The following OSBPL10 variants were observed in gnomAD, a reference collection of about 807,000 sequenced individuals.
OSBPL10 encodes oxysterol-binding protein-related protein 10.
OSBPL10 carries 49 observed loss-of-function variants against 81.7 expected under a neutral mutation model. The ratio of observed to expected loss-of-function variants is 0.60; its 90% CI spans 0.48 to 0.76. The LOEUF is 0.76. Among genes scored for constraint, OSBPL10 ranks in the 30% least tolerant of loss-of-function variants. The pLI is 0.00. For missense variants in OSBPL10, 923 were observed against 987.8 expected, an observed-to-expected ratio of 0.93 and a Z score of 0.88; for synonymous variants, 419 against 383.6, an observed-to-expected ratio of 1.09 and a Z score of -1.08.
chr3:31,754,111 C>T (rs75821471), intron 4 of OSBPL10, among the ~76,000 whole-genome samples: 113 of 152,110 alleles, frequency 7.4e-4, no homozygotes, highest in African/African-American at 2.6e-3. Flanking sequence ...TAATTCCCAG[C>T]CTATGTCTCT....
chr3:32,010,628 C>T (rs1419691941), intron 2 of OSBPL10, among the ~76,000 whole-genome samples: 3 of 152,116 alleles, frequency 2.0e-5, no homozygotes, highest in Non-Finnish European at 2.9e-5. Flanking sequence ...GAGCATGAGC[C>T]GAAGCAGGGC....
chr3:32,036,368 A>G (rs1699519342), intron 2 of OSBPL10, among the ~76,000 whole-genome samples: 1 of 152,160 alleles, frequency 6.6e-6, no homozygotes, highest in African/African-American at 2.4e-5. Flanking sequence ...TAAGAGAAAA[A>G]ACAAGGAACT....
intron 5 of OSBPL10, among the ~76,000 whole-genome samples, chr3:31,739,272 A>C (rs1459066288): frequency 2.0e-5 from 3 of 152,172 alleles, no homozygotes; most frequent in African/African-American, 7.2e-5. Flanking sequence ...TTGAAATAAG[A>C]AAAGAAAGGA....
chr3:31,733,424 C>A lies in OSBPL10; in HGVS notation c.941-13G>T. The A allele has an allele frequency of 6.2e-7, 1 of 1,614,102 alleles. No homozygotes were observed. The highest frequency in any genetic ancestry group is 8.5e-7 in the Non-Finnish European group (1 of 1,179,998). Reference sequence around the variant, plus strand: ...CCCAGGATGTTTTCTGAAATAAAGACCTAGAATGATGCCAAGTATTTTCCA... The same window carrying A: ...CCCAGGATGTTTTCTGAAATAAAGAACTAGAATGATGCCAAGTATTTTCCA... On this transcript the variant is annotated splice_polypyrimidine_tract_variant and intron_variant, in intron 5 of 11. Transcript: ENST00000396556.
At position 31,661,097 on chromosome 3, in the gene OSBPL10, A is replaced by C. The variant is rs2125490685; in HGVS notation, c.*975T>G. The C allele has an allele frequency of 6.5e-6, 1 of 152,774 alleles. No homozygotes were observed. The highest frequency in any genetic ancestry group is 2.1e-4 in the South Asian group (1 of 4,828). 9.5% of individuals were successfully genotyped at this position (152,774 alleles called of 1,614,324 possible). On this transcript the variant is annotated 3_prime_UTR_variant, in exon 12 of 12. Transcript: ENST00000396556. The stretch of plus-strand genomic sequence containing the variant: ...ATTTAACTGAAACCATGGAATATTT[A>C]TGCAGGCGTTATGTATGTTTTAGTC...
intron 1 of OSBPL10, among the ~76,000 whole-genome samples, chr3:31,965,595 T>A (rs1223070321): frequency 1.2e-5 from 1 of 81,974 alleles, no homozygotes; most frequent in Non-Finnish European, 2.1e-5. Flanking sequence ...ATAAATTATA[T>A]ATTATATAAT....
rs74925174 is a variant in OSBPL10, at chr3:31,986,687, C to T, written n.298+59804G>A. On this transcript the variant is annotated intron_variant and non_coding_transcript_variant, in intron 2 of 3. Coordinates refer to the OSBPL10 transcript ENST00000479173. Reference sequence around the variant, plus strand: ...TATTATTTTATTAAATAGATGCTCACTTTCAAAGATTTGCACACAAAATTA... The same window carrying T: ...TATTATTTTATTAAATAGATGCTCATTTTCAAAGATTTGCACACAAAATTA... Among the ~76,000 whole-genome samples, 1,365 of 152,222 alleles carry T rather than the reference C, an allele frequency of 9.0e-3. 57 individuals carry two copies. In the East Asian group the frequency reaches 0.15, roughly 17 times the overall value.
intron 4 of OSBPL10, among the ~76,000 whole-genome samples, chr3:31,820,599 G>GA (rs963714270): frequency 4.5e-4 from 64 of 143,612 alleles, no homozygotes; most frequent in East Asian, 2.2e-3. Context: ...CATCTCGGGA[G>GA]AAAAAAAAAA....
intron 4 of OSBPL10, among the ~76,000 whole-genome samples, chr3:31,805,267 A>C (rs1050914143): frequency 6.6e-6 from 1 of 152,172 alleles, no homozygotes; most frequent in Non-Finnish European, 1.5e-5. Context: ...GAGAATTTGC[A>C]ATGCTCTCTC....
chr3:31,697,920 G>A (rs965334695), intron 7 of OSBPL10, among the ~76,000 whole-genome samples: 1 of 151,766 alleles, frequency 6.6e-6, no homozygotes, highest in African/African-American at 2.4e-5. Flanking sequence ...CCACCACCAC[G>A]CCCAGCTAAT....
chr3:32,069,262 C>T (rs544649912), intron 1 of OSBPL10, among the ~76,000 whole-genome samples: 4 of 152,122 alleles, frequency 2.6e-5, no homozygotes, highest in South Asian at 4.2e-4. Context: ...CCCAGATGAA[C>T]GGGAAAGAGT....
At chr3:31,771,523 TG>T (rs1041479292) in intron 4 of OSBPL10, among the ~76,000 whole-genome samples, 1 of 152,138 alleles carries the variant, frequency 6.6e-6, no homozygotes, top group East Asian at 1.9e-4. Flanking sequence ...TGAGTTTTAT[TG>T]GGGGTCTGAA....
At chr3:31,864,852 C>G (rs1008123946) in intron 3 of OSBPL10, among the ~76,000 whole-genome samples, 2 of 152,128 alleles carry the variant, frequency 1.3e-5, no homozygotes. Flanking sequence ...GCTCTTTTGT[C>G]CTTCACTAAA....
chr3:31,862,345 G>A (rs1170036740), intron 3 of OSBPL10, among the ~76,000 whole-genome samples: 2 of 152,106 alleles, frequency 1.3e-5, no homozygotes, highest in Non-Finnish European at 2.9e-5. Flanking sequence ...TGGAAAGACC[G>A]AAGCCTGGTT....
intron 1 of OSBPL10, among the ~76,000 whole-genome samples, chr3:31,960,860 C>A (rs554169054): frequency 6.6e-6 from 1 of 152,126 alleles, no homozygotes; most frequent in East Asian, 1.9e-4. Flanking sequence ...CCTCTTTATC[C>A]TCTTTAATCC....
At chr3:31,719,629 T>C (rs1025801690) in intron 6 of OSBPL10, among the ~76,000 whole-genome samples, 2 of 152,204 alleles carry the variant, frequency 1.3e-5, no homozygotes, top group African/African-American at 4.8e-5. Flanking sequence ...AGTATACATT[T>C]GGCTTAATCT....
chr3:31,739,327 C>T (rs1697274394), intron 5 of OSBPL10, among the ~76,000 whole-genome samples: 2 of 152,042 alleles, frequency 1.3e-5, no homozygotes, highest in Admixed American at 1.3e-4. Context: ...AAGGAAGAAA[C>T]AAGGAAGAGA....
At chr3:31,849,885 C>T (rs1392207089) in intron 3 of OSBPL10, among the ~76,000 whole-genome samples, 1 of 152,104 alleles carries the variant, frequency 6.6e-6, no homozygotes, top group East Asian at 1.9e-4. Context: ...AAAAATTTAG[C>T]CAGGCATGCC....
At chr3:31,664,429 C>A in intron 10 of OSBPL10, 197 bp from the exon 11 acceptor site, 1 of 605,280 alleles carries the variant, frequency 1.7e-6, no homozygotes, top group Non-Finnish European at 2.9e-6. Flanking sequence ...TGTGTTGTTT[C>A]TACTCTCCGC....
Sources: allele counts gnomAD v4.1 joint callset (sites outside exome capture counted in the v4.1 genomes callset), GRCh38; gene constraint gnomAD v4.1.1; transcripts MANE v1.5; gene names NCBI Gene and HGNC (gene_info 2026-07-23, HGNC 2026-07-21).